NRG1: variants seen among roughly 807,000 people sequenced by gnomAD.
NRG1 encodes pro-neuregulin-1, membrane-bound isoform.
A neutral mutation model predicts 63.8 loss-of-function variants in NRG1; 18 were observed. That is an observed-to-expected ratio of 0.28 (90% CI 0.19 to 0.42). The LOEUF is 0.42. NRG1 is among the 10% of genes least tolerant of loss of function. The pLI is 1.00. For synonymous variants in NRG1, 302 were observed against 301.3 expected, an observed-to-expected ratio of 1.00 and a Z score of -0.02; for missense variants, 762 against 814.7, an observed-to-expected ratio of 0.94 and a Z score of 0.79.
chr8:31,800,675 G>T (rs1050302141), intron 1 of NRG1, among the ~76,000 whole-genome samples: 1 of 151,944 alleles, frequency 6.6e-6, no homozygotes, highest in African/African-American at 2.4e-5. Context: ...CTTTTTAGTT[G>T]ACCTGGTTTT....
At chr8:32,743,901 T>G (rs768494748) in intron 7 of NRG1, among the ~76,000 whole-genome samples, 1 of 152,066 alleles carries the variant, frequency 6.6e-6, no homozygotes, top group Non-Finnish European at 1.5e-5. Flanking sequence ...TCACAACAAC[T>G]CAAACCTACT....
At chr8:32,040,398 T>A (rs191249747) in intron 1 of NRG1, among the ~76,000 whole-genome samples, 8 of 152,268 alleles carry the variant, frequency 5.3e-5, no homozygotes, top group African/African-American at 1.9e-4. Flanking sequence ...AAAAGTCAAA[T>A]GTTGCCAACT....
intron 1 of NRG1, among the ~76,000 whole-genome samples, chr8:32,468,065 T>C (rs1823298280): frequency 1.3e-5 from 2 of 152,200 alleles, no homozygotes; most frequent in South Asian, 4.1e-4. Flanking sequence ...GCTCCAGGGA[T>C]TGCAGTCCTC....
intron 5 of NRG1, among the ~76,000 whole-genome samples, chr8:32,629,569 A>G (rs1046223972): frequency 1.3e-5 from 2 of 152,234 alleles, no homozygotes; most frequent in Non-Finnish European, 2.9e-5. Flanking sequence ...ATATTTAAGT[A>G]TTTTAAAATC....
chr8:32,617,314 T>C (rs1305581701), intron 5 of NRG1, among the ~76,000 whole-genome samples: 1 of 152,238 alleles, frequency 6.6e-6, no homozygotes, highest in Non-Finnish European at 1.5e-5. Context: ...TAAAGTTAGC[T>C]GTGATGGAGT....
chr8:32,729,129 C>T (rs767519410), intron 6 of NRG1, among the ~76,000 whole-genome samples: 4 of 151,796 alleles, frequency 2.6e-5, no homozygotes, highest in Admixed American at 6.6e-5. Flanking sequence ...CAACAGGCAG[C>T]GTAAGATAGT....
At chr8:31,919,712 T>G (rs1563567087) in intron 1 of NRG1, among the ~76,000 whole-genome samples, 1 of 152,142 alleles carries the variant, frequency 6.6e-6, no homozygotes, top group Admixed American at 6.6e-5. Flanking sequence ...CAATGCATTC[T>G]GCTGCTTACT....
At chr8:31,702,562 G>C (rs996668169) in intron 1 of NRG1, among the ~76,000 whole-genome samples, 1 of 151,070 alleles carries the variant, frequency 6.6e-6, no homozygotes, top group South Asian at 2.1e-4. Flanking sequence ...AATGGCCATT[G>C]GTCATTGCTA....
chr8:32,756,042 C>G (rs868827188), intron 8 of NRG1, among the ~76,000 whole-genome samples: 2 of 152,116 alleles, frequency 1.3e-5, no homozygotes, highest in Non-Finnish European at 2.9e-5. Context: ...CCACCCAGCC[C>G]AGCACAAATT....
In NRG1 at chr8:32,158,062, C is replaced by T. The variant is rs377703221; in HGVS notation, c.38-437766C>T. 7.9e-4 allele frequency among the ~76,000 whole-genome samples: 120 copies of T among 152,266 alleles called. 1 individual carries two copies. The South Asian group carries it at 0.021, about 26-fold the overall frequency. ...CAAGTAGCATTTGCCCAGAGAGAGG[C>T]CTCAGGCAGGAGGTTGTAGGATGGA... On this transcript the variant is annotated intron_variant, in intron 1 of 10. Coordinates refer to the NRG1 transcript ENST00000519301.
chr8:31,722,924 G>A (rs1187573980), intron 1 of NRG1, among the ~76,000 whole-genome samples: 4 of 152,042 alleles, frequency 2.6e-5, no homozygotes, highest in African/African-American at 9.7e-5. Flanking sequence ...AACTATTTTG[G>A]TGACCATGAT....
chr8:32,719,855 C>A (rs766575964), intron 5 of NRG1, among the ~76,000 whole-genome samples: 4 of 151,936 alleles, frequency 2.6e-5, no homozygotes, highest in Non-Finnish European at 4.4e-5. Flanking sequence ...AATTTAGTCC[C>A]TGTTGGTTAC....
At chr8:31,870,279 A>C (rs1829361492) in intron 1 of NRG1, among the ~76,000 whole-genome samples, 1 of 152,200 alleles carries the variant, frequency 6.6e-6, no homozygotes, top group African/African-American at 2.4e-5. Context: ...AATTATATTT[A>C]GAGATGGGTT....
chr8:32,162,295 T>G (rs897477916), intron 1 of NRG1, among the ~76,000 whole-genome samples: 6 of 152,158 alleles, frequency 3.9e-5, no homozygotes, highest in African/African-American at 1.4e-4. Flanking sequence ...TACCTAAAAA[T>G]TGCTGAAATA....
chr8:31,714,901 A>T (rs1389396553), intron 1 of NRG1, among the ~76,000 whole-genome samples: 1 of 152,144 alleles, frequency 6.6e-6, no homozygotes, highest in East Asian at 1.9e-4. Context: ...GCTAATTGTA[A>T]CTTTAGTAGC....
chr8:32,547,590 A>AACACACACACACACAC (rs33943729), upstream of NRG1, among the ~76,000 whole-genome samples: 44 of 148,386 alleles, frequency 3.0e-4, no homozygotes, highest in African/African-American at 1.0e-3. Flanking sequence ...GCACTTACTA[A>AACACACACACACACAC]ACACACACAC....
At chr8:32,739,243 T>A (rs1825803612) in intron 6 of NRG1, among the ~76,000 whole-genome samples, 1 of 152,126 alleles carries the variant, frequency 6.6e-6, no homozygotes. Context: ...TTAATCTACA[T>A]CCACATCTCT....
chr8:31,978,206 T>C (rs1444395799), intron 1 of NRG1, among the ~76,000 whole-genome samples: 1 of 152,122 alleles, frequency 6.6e-6, no homozygotes, highest in Non-Finnish European at 1.5e-5. Context: ...TATCTTTAAG[T>C]AGTTAGAAGG....
At chr8:31,654,721 T>G (rs1464521715) in intron 1 of NRG1, among the ~76,000 whole-genome samples, 10 of 152,214 alleles carry the variant, frequency 6.6e-5, no homozygotes, top group African/African-American at 2.4e-4. Flanking sequence ...GAGAATCGCC[T>G]GAGGCCAGGA....
Sources: gnomAD v4.1 joint callset for allele counts (sites outside exome capture counted in the v4.1 genomes callset) on GRCh38, gnomAD v4.1.1 for gene constraint, MANE v1.5 for transcripts, NCBI Gene and HGNC (gene_info 2026-07-23, HGNC 2026-07-21) for gene names.